The following STIM1 variants were observed in gnomAD, a reference collection of about 807,000 sequenced individuals.
STIM1 encodes stromal interaction molecule 1.
In STIM1, 25 loss-of-function variants were observed where a neutral mutation model predicts 74.7. The observed-to-expected ratio is 0.33, with a 90% confidence interval of 0.24 to 0.47. The LOEUF (loss-of-function observed/expected upper bound fraction) is 0.47, where lower values mean the gene tolerates loss of function less well. STIM1 is among the 20% of genes least tolerant of loss of function. The pLI is 1.00. For missense variants in STIM1, 728 were observed against 920.8 expected (o/e 0.79, Z 2.71); for synonymous variants, 328 against 348.8 (o/e 0.94, Z 0.66).
rs1334585563 is a variant in STIM1 at position 3,898,098 on chromosome 11, C to T, written c.139+41689C>T. 3.9e-5 allele frequency among the ~76,000 whole-genome samples: 6 copies of T among 152,288 alleles called. No individual in the cohort carries two copies. In the East Asian group the frequency reaches 1.2e-3, roughly 29 times the overall value. ...CTTGAGGAATCGCCACACTGACTTC[C>T]ACAATGGTTGAACTAGTTTATAGTC... On this transcript the variant is annotated intron_variant, in intron 1 of 12. Coordinates refer to ENST00000526596, the MANE Select transcript of STIM1 (RefSeq NM_001382567.1).
intron 1 of STIM1, among the ~76,000 whole-genome samples, chr11:3,872,523 C>CTTTTTTTT (rs574634847): frequency 1.2e-4 from 15 of 129,352 alleles, no homozygotes; most frequent in African/African-American, 1.4e-4. Context: ...TTCTTTTTTT[C>CTTTTTTTT]TTTTTTTTTT....
At chr11:3,874,728 T>C (rs2091253719) in intron 1 of STIM1, among the ~76,000 whole-genome samples, 1 of 152,230 alleles carries the variant, frequency 6.6e-6, no homozygotes, top group Non-Finnish European at 1.5e-5. Context: ...TGAATCTACC[T>C]CCCTCATCTG....
In STIM1 at chr11:3,866,171, G is replaced by T. The variant is rs144232578; in HGVS notation, c.139+9762G>T. On this transcript the variant is annotated intron_variant, in intron 1 of 12. Transcript: ENST00000526596. The stretch of plus-strand genomic sequence containing the variant: ...CTTGGCAAGCCAAGCATTTTTCTTT[G>T]TTCTGATCTGCAGAACAAACTTTTA... Among the ~76,000 whole-genome samples, 552 of 152,182 alleles carry T rather than the reference G, an allele frequency of 3.6e-3. 2 individuals are homozygous for T. Among genetic ancestry groups the T allele is most frequent in the African/African-American group, 0.012 (499 of 41,526 alleles).
chr11:4,000,710 C>T (rs1474292229), intron 2 of STIM1, among the ~76,000 whole-genome samples: 1 of 152,208 alleles, frequency 6.6e-6, no homozygotes, highest in Non-Finnish European at 1.5e-5. Context: ...CAGTTCCTCA[C>T]CAGCAACGGA....
chr11:3,902,989 T>A (rs2092387915), intron 1 of STIM1, among the ~76,000 whole-genome samples: 1 of 152,216 alleles, frequency 6.6e-6, no homozygotes, highest in Admixed American at 6.5e-5. Flanking sequence ...TGAACATGTT[T>A]ATATATAATT....
At chr11:3,915,629 C>A (rs2092632459) in intron 1 of STIM1, among the ~76,000 whole-genome samples, 1 of 152,064 alleles carries the variant, frequency 6.6e-6, no homozygotes, top group African/African-American at 2.4e-5. Context: ...GATCTCCTGA[C>A]CTTGTGATCC....
chr11:4,032,883 A>T (rs2094063386), intron 3 of STIM1, among the ~76,000 whole-genome samples: 1 of 152,208 alleles, frequency 6.6e-6, no homozygotes, highest in Admixed American at 6.5e-5. Context: ...ACAGAAATGT[A>T]ATTGATTTTT....
At chr11:3,960,440 T>C (rs533165346) in intron 1 of STIM1, among the ~76,000 whole-genome samples, 1 of 152,344 alleles carries the variant, frequency 6.6e-6, no homozygotes, top group East Asian at 1.9e-4. Context: ...ATTTTGATAT[T>C]GTATAAATGA....
At chr11:3,999,364 A>G (rs2093691159) in intron 2 of STIM1, among the ~76,000 whole-genome samples, 2 of 152,220 alleles carry the variant, frequency 1.3e-5, no homozygotes, top group African/African-American at 2.4e-5. Flanking sequence ...GATTTGGCTT[A>G]TGGCCATAGT....
intron 1 of STIM1, among the ~76,000 whole-genome samples, chr11:3,877,243 C>CATT (rs147307800): frequency 0.34 from 50,263 of 149,996 alleles, 9,399 homozygotes; most frequent in South Asian, 0.45. Context: ...TACAGAACAA[C>CATT]ATTATTATTA....
chr11:4,027,517 G>C (rs1393918223), intron 3 of STIM1, among the ~76,000 whole-genome samples: 3 of 152,030 alleles, frequency 2.0e-5, no homozygotes, highest in Non-Finnish European at 4.4e-5. Flanking sequence ...TCACCGTGTT[G>C]GTTGGCCAGG....
chr11:4,025,035 C>A (rs1310371303), intron 3 of STIM1, among the ~76,000 whole-genome samples: 1 of 152,250 alleles, frequency 6.6e-6, no homozygotes, highest in Non-Finnish European at 1.5e-5. Context: ...TTTGAGGAAC[C>A]TTAGGCCTAG....
chr11:4,076,325 A>G (rs2094436805), intron 7 of STIM1, among the ~76,000 whole-genome samples: 1 of 151,726 alleles, frequency 6.6e-6, no homozygotes, highest in Non-Finnish European at 1.5e-5. Flanking sequence ...GTCTGTACTA[A>G]AAATACAAAA....
In STIM1 at chr11:4,005,919, A is replaced by G. The variant is rs1355393802; in HGVS notation, c.271-17954A>G. On this transcript the variant is annotated intron_variant, in intron 2 of 12. Coordinates refer to ENST00000526596, the MANE Select transcript of STIM1 (RefSeq NM_001382567.1). Reference sequence around the variant, plus strand: ...TCCTAGAACTCTGTAAATGACATTTAGAGCTATTGTACCTGAAATATGGTA... The same window carrying G: ...TCCTAGAACTCTGTAAATGACATTTGGAGCTATTGTACCTGAAATATGGTA... Among the ~76,000 whole-genome samples, 6 of 152,192 alleles carry G rather than the reference A, an allele frequency of 3.9e-5. No homozygotes were observed. The South Asian group carries it at 1.0e-3, about 26-fold the overall frequency.
At chr11:4,025,245 T>C (rs1238476987) in intron 3 of STIM1, among the ~76,000 whole-genome samples, 1 of 152,226 alleles carries the variant, frequency 6.6e-6, no homozygotes, top group African/African-American at 2.4e-5. Context: ...AGGGATAATC[T>C]ATATTGTAGA....
chr11:3,895,679 CTTCCTTCTTTCTTTCTTTCTTTCTTTCT>C (rs2092081635), intron 1 of STIM1, among the ~76,000 whole-genome samples: 2 of 47,328 alleles, frequency 4.2e-5, no homozygotes, highest in East Asian at 7.1e-4. Context: ...TCTTTCCTTC[CTTCCTTCTTTCTTTCTTTCTTTCTTTCT>C]TTCTTTCTTT....
chr11:4,052,319 G>A (rs200090988), intron 3 of STIM1, among the ~76,000 whole-genome samples: 240 of 152,242 alleles, frequency 1.6e-3, no homozygotes, highest in African/African-American at 5.4e-3. Context: ...GAGGCATCAT[G>A]CTACCTGACT....
intron 1 of STIM1, among the ~76,000 whole-genome samples, chr11:3,907,236 G>A (rs888289967): frequency 2.6e-4 from 40 of 152,164 alleles, no homozygotes; most frequent in African/African-American, 9.2e-4. Flanking sequence ...TTCACTGGGA[G>A]CTTTGTTTAT....
intron 5 of STIM1, among the ~76,000 whole-genome samples, chr11:4,069,141 C>CT (rs1327228844): frequency 3.3e-5 from 5 of 152,212 alleles, no homozygotes; most frequent in Non-Finnish European, 5.9e-5. Context: ...GTCTTTTGTG[C>CT]TGTGGCACAG....
Sources: gnomAD v4.1 joint callset for allele counts (sites outside exome capture counted in the v4.1 genomes callset) on GRCh38, gnomAD v4.1.1 for gene constraint, MANE v1.5 for transcripts, NCBI Gene and HGNC (gene_info 2026-07-23, HGNC 2026-07-21) for gene names.